The following BRD2 variants were observed in gnomAD, a reference collection of about 807,000 sequenced individuals.
BRD2 encodes bromodomain containing 2.
A neutral mutation model predicts 79.1 loss-of-function variants in BRD2; 15 were observed. The ratio of observed to expected loss-of-function variants is 0.19; its 90% CI spans 0.13 to 0.29. The LOEUF (loss-of-function observed/expected upper bound fraction) is 0.29. Ranked by LOEUF, BRD2 falls within the 10% of genes least tolerant of loss-of-function variation. The pLI is 1.00. For missense variants in BRD2, 1,053 were observed against 991.3 expected (o/e 1.06, Z -0.84); for synonymous variants, 488 against 358.6 (o/e 1.36, Z -4.08).
chr6:32,974,116 C>T (rs574194211), intron 2 of BRD2, among the ~76,000 whole-genome samples: 1 of 152,306 alleles, frequency 6.6e-6, no homozygotes, highest in African/African-American at 2.4e-5. Context: ...TTTCTTAACT[C>T]CACCCATTTT....
At chr6:32,974,883 G>T in intron 3 of BRD2, 118 bp downstream of exon 3, 1 of 1,411,642 alleles carries the variant, frequency 7.1e-7, no homozygotes. Context: ...CTCCCCTGTA[G>T]GGCAGTTAGC....
intron 2 of BRD2, among the ~76,000 whole-genome samples, chr6:32,974,203 A>G (rs758430608): frequency 1.2e-4 from 18 of 152,170 alleles, no homozygotes; most frequent in South Asian, 2.1e-4. Context: ...GTTTTTTAAA[A>G]TATGAAAAAG....
intron 3 of BRD2, 137 bp downstream of exon 3, chr6:32,974,902 T>C: frequency 7.2e-7 from 1 of 1,389,514 alleles, no homozygotes; most frequent in South Asian, 1.3e-5. Context: ...GCTACCAGAT[T>C]TCTGGGTATC....
At chr6:32,977,594 A>G in intron 8 of BRD2, 24 bp downstream of exon 8, 1 of 1,613,216 alleles carries the variant, frequency 6.2e-7, no homozygotes, top group Non-Finnish European at 8.5e-7. Flanking sequence ...TTGGAGTTTG[A>G]AAAATAAATG....
At chr6:32,976,000 A>G (rs1778692660) in intron 4 of BRD2, 31 bp from the exon 5 acceptor site, 1 of 1,574,234 alleles carries the variant, frequency 6.4e-7, no homozygotes, top group African/African-American at 1.4e-5. Context: ...GCATTTTTTA[A>G]CTTTCTTTAT....
chr6:32,977,116 CAGT>C (rs2127518117), intron 7 of BRD2, 180 bp downstream of exon 7: 5 of 1,218,936 alleles, frequency 4.1e-6, no homozygotes, highest in Non-Finnish European at 5.6e-6. Flanking sequence ...GAGTTTGAAA[CAGT>C]AGGGTGGGGT....
intron 11 of BRD2, 105 bp downstream of exon 11, chr6:32,980,237 G>T (rs1450101083): frequency 6.3e-7 from 1 of 1,576,586 alleles, no homozygotes; most frequent in African/African-American, 1.4e-5. Flanking sequence ...AATGGGATGT[G>T]TTGGTTGGCA....
intron 2 of BRD2, chr6:32,973,169 T>C (rs1303655533): frequency 6.5e-7 from 1 of 1,542,582 alleles, no homozygotes. Context: ...CGTGGCCCAG[T>C]CTTAACCGAG....
chr6:32,973,035 C>T (rs757656991), intron 2 of BRD2, 108 bp downstream of exon 2: 3 of 1,610,904 alleles, frequency 1.9e-6, no homozygotes, highest in Non-Finnish European at 1.7e-6. Flanking sequence ...GCTGCTGTTG[C>T]GGCGCAGCTG....
chr6:32,980,930 T>A lies in BRD2; in HGVS notation c.*212T>A. 1.6e-6 allele frequency: 1 copy of A among 611,908 alleles called. No homozygotes were observed. Among genetic ancestry groups the A allele is most frequent in the African/African-American group, 1.9e-5 (1 of 53,978 alleles). 37.9% of individuals were successfully genotyped at this position (611,908 alleles called of 1,614,324 possible). A position where few individuals can be genotyped will look rare whatever the true frequency, so the allele number is the denominator to read the frequency against. ...AAACAACATTGAATTCCCAGCCCCA[T>A]TGGGGAGTGATCTCTTGGACACAGA... On this transcript the variant is annotated 3_prime_UTR_variant, in exon 13 of 13. Transcript: ENST00000374825.
Position 32,969,305 on chromosome 6 carries a change from C to T in BRD2, c.-1305+249C>T, listed in dbSNP as rs996160312. On this transcript the variant is annotated intron_variant, in intron 1 of 12. Transcript: ENST00000374825. ...GCAAAGGGGTTAGGGGGCGGTGTGG[C>T]CCCCCCTATTCCATTCGTCCCCTGG... The T allele has an allele frequency of 5.6e-6, 4 of 714,756 alleles. No homozygotes were observed. The Admixed American group carries it at 8.0e-5, about 14-fold the overall frequency. The allele number at this position is 714,756 out of a possible 1,614,324, so 44.3% of individuals were successfully genotyped here.
At position 32,973,612 on chromosome 6, in the gene BRD2, C is replaced by T. The variant is rs759354323; in HGVS notation, c.29+685C>T. On this transcript the variant is annotated intron_variant, in intron 2 of 12. Transcript: ENST00000374825. ...TTCTTAGGTGGTAGGAAAGACTGAT[C>T]GGAGGAGCACCAGAGGGACTGTAAA... Among the ~76,000 whole-genome samples the T allele has an allele frequency of 1.4e-4, 21 of 152,180 alleles. No homozygotes were observed. In the East Asian group the frequency reaches 1.7e-3, roughly 13 times the overall value.
chr6:32,979,019 T>C (rs1441315752), intron 10 of BRD2: 1 of 152,812 alleles, frequency 6.5e-6, no homozygotes, highest in African/African-American at 2.4e-5. Flanking sequence ...GTAGTAGTTT[T>C]TGGTTTTTTG....
intron 12 of BRD2, 34 bp downstream of exon 12, chr6:32,980,498 C>T (rs866147410): frequency 1.2e-6 from 2 of 1,612,530 alleles, no homozygotes; most frequent in African/African-American, 1.3e-5. Flanking sequence ...TACAGATTGA[C>T]TCCATCCTGC....
intron 7 of BRD2, 88 bp from the exon 8 acceptor site, chr6:32,977,354 G>A (rs1413384138): frequency 3.1e-6 from 5 of 1,610,194 alleles, no homozygotes; most frequent in Non-Finnish European, 4.2e-6. Flanking sequence ...GTGCTCTCAA[G>A]AGAGGGCTCT....
At chr6:32,975,866 T>C (rs183233486) in intron 4 of BRD2, among the ~76,000 whole-genome samples, 165 bp from the exon 5 acceptor site, 6 of 146,824 alleles carry the variant, frequency 4.1e-5, no homozygotes, top group Admixed American at 1.4e-4. Context: ...AAAGTGGAAA[T>C]TAGTAGTGGC....
intron 2 of BRD2, 56 bp downstream of exon 2, chr6:32,972,983 GGTGTGGGGCGCC>G (rs1778227374): frequency 6.2e-7 from 1 of 1,613,858 alleles, no homozygotes; most frequent in African/African-American, 1.3e-5. Context: ...GCGGCACAGG[GGTGTGGGGCGCC>G]GTGTTGGGAG....
chr6:32,975,268 CT>C, intron 3 of BRD2, 115 bp from the exon 4 acceptor site: 2 of 1,109,534 alleles, frequency 1.8e-6, no homozygotes. Context: ...GTAACTGTTC[CT>C]TTGATGCATA....
rs1169663589 is a variant in BRD2, at chr6:32,971,879, T to G, written c.-1020T>G. The G allele has an allele frequency of 2.8e-6, 2 of 702,216 alleles. No homozygotes were observed. The highest frequency in any genetic ancestry group is 3.5e-5 in the African/African-American group (2 of 57,326). 43.5% of individuals were successfully genotyped at this position (702,216 alleles called of 1,614,324 possible). ...ACCTCTTCCAACCACCCTCTTTCCCTGGAGTCGGCGGACCACAGCTCAGCC... is the reference window on the plus strand; with the variant it reads ...ACCTCTTCCAACCACCCTCTTTCCCGGGAGTCGGCGGACCACAGCTCAGCC... On this transcript the variant is annotated 5_prime_UTR_variant, in exon 2 of 13. Transcript: ENST00000374825.
Sources: gnomAD v4.1 joint callset for allele counts (sites outside exome capture counted in the v4.1 genomes callset) on GRCh38, gnomAD v4.1.1 for gene constraint, MANE v1.5 for transcripts, NCBI Gene and HGNC (gene_info 2026-07-23, HGNC 2026-07-21) for gene names.